The following SLC39A11 variants were observed in gnomAD, a reference collection of about 807,000 sequenced individuals.
The protein encoded by SLC39A11 is zinc transporter ZIP11.
In SLC39A11, 33 loss-of-function variants were observed where a neutral mutation model predicts 36.1. That is an observed-to-expected ratio of 0.91 (90% CI 0.69 to 1.22). The LOEUF (loss-of-function observed/expected upper bound fraction) is 1.22. Among genes scored for constraint, SLC39A11 ranks in the 50% most tolerant of loss-of-function variants. SLC39A11 has a pLI of 0.00. For synonymous variants in SLC39A11, 166 were observed against 170.3 expected (o/e 0.97, Z 0.20); for missense variants, 432 against 430.3 (o/e 1.00, Z -0.03).
At chr17:73,075,260 CA>C (rs2060282230) in intron 3 of SLC39A11, among the ~76,000 whole-genome samples, 1 of 152,162 alleles carries the variant, frequency 6.6e-6, no homozygotes, top group Admixed American at 6.5e-5. Flanking sequence ...CATGCAGAAA[CA>C]AGAAGCTCTT....
intron 4 of SLC39A11, among the ~76,000 whole-genome samples, chr17:72,961,876 T>C (rs2086636561): frequency 6.6e-6 from 1 of 152,142 alleles, no homozygotes; most frequent in African/African-American, 2.4e-5. Flanking sequence ...ACCCTAGAAC[T>C]TAAAGTATAA....
intron 7 of SLC39A11, among the ~76,000 whole-genome samples, chr17:72,714,278 C>A (rs2073243748): frequency 1.3e-5 from 2 of 152,054 alleles, no homozygotes. Flanking sequence ...ATCGCTTGAA[C>A]CTGGGAGGCG....
At chr17:72,952,600 C>T (rs566614760) in intron 4 of SLC39A11, among the ~76,000 whole-genome samples, 3 of 152,198 alleles carry the variant, frequency 2.0e-5, no homozygotes, top group Non-Finnish European at 2.9e-5. Flanking sequence ...GGAACCAAGG[C>T]CCTCAGGGAG....
chr17:73,047,027 A>AT (rs367548823), intron 3 of SLC39A11, among the ~76,000 whole-genome samples: 62,658 of 137,664 alleles, frequency 0.46, 14,858 homozygotes, highest in Non-Finnish European at 0.49. Flanking sequence ...TATTTTATTT[A>AT]TTTTTTTTTT....
At chr17:72,858,721 T>C (rs1483065483) in intron 5 of SLC39A11, among the ~76,000 whole-genome samples, 1 of 152,218 alleles carries the variant, frequency 6.6e-6, no homozygotes, top group Non-Finnish European at 1.5e-5. Context: ...TTCCTAGGTA[T>C]TGTATTCTTC....
intron 3 of SLC39A11, among the ~76,000 whole-genome samples, chr17:73,051,108 C>T (rs895218614): frequency 6.6e-6 from 1 of 152,134 alleles, no homozygotes; most frequent in Non-Finnish European, 1.5e-5. Context: ...AGCTGGGCCA[C>T]GCTCCCTCTA....
chr17:72,895,585 A>G (rs1248388000), intron 5 of SLC39A11, among the ~76,000 whole-genome samples: 4 of 152,042 alleles, frequency 2.6e-5, no homozygotes, highest in Non-Finnish European at 4.4e-5. Flanking sequence ...TGTCTCAAAA[A>G]AAAAAAAAAA....
chr17:72,916,276 G>C (rs1346387331), intron 5 of SLC39A11, among the ~76,000 whole-genome samples: 1 of 151,948 alleles, frequency 6.6e-6, no homozygotes, highest in Non-Finnish European at 1.5e-5. Flanking sequence ...CTGTCAAGAG[G>C]GAAAAAAGAG....
intron 3 of SLC39A11, among the ~76,000 whole-genome samples, chr17:73,069,264 G>C (rs554074416): frequency 1.3e-5 from 2 of 152,110 alleles, no homozygotes; most frequent in Non-Finnish European, 2.9e-5. Flanking sequence ...TGTTCATTAC[G>C]TTCTTAACAA....
intron 6 of SLC39A11, among the ~76,000 whole-genome samples, chr17:72,777,210 A>C (rs1200606324): frequency 6.6e-6 from 1 of 152,164 alleles, no homozygotes; most frequent in Admixed American, 6.5e-5. Flanking sequence ...CTAAACCAAA[A>C]AAAGGGCATT....
intron 5 of SLC39A11, among the ~76,000 whole-genome samples, chr17:72,879,422 T>C (rs924850206): frequency 6.6e-6 from 1 of 152,244 alleles, no homozygotes; most frequent in African/African-American, 2.4e-5. Context: ...CCATGGGTTT[T>C]AGGAACTGTA....
chr17:73,046,454 A>G (rs2059294778), intron 3 of SLC39A11, among the ~76,000 whole-genome samples: 1 of 152,140 alleles, frequency 6.6e-6, no homozygotes, highest in Non-Finnish European at 1.5e-5. Context: ...GTCCTACGAA[A>G]AAGCCCCCTC....
At chr17:72,729,958 T>C (rs1469952452) in intron 7 of SLC39A11, among the ~76,000 whole-genome samples, 1 of 152,120 alleles carries the variant, frequency 6.6e-6, no homozygotes. Flanking sequence ...CTTTCAACTA[T>C]ATCACATCGA....
At chr17:72,734,904 C>A (rs1288047680) in intron 7 of SLC39A11, among the ~76,000 whole-genome samples, 1 of 152,102 alleles carries the variant, frequency 6.6e-6, no homozygotes, top group Non-Finnish European at 1.5e-5. Context: ...ACTCTGAAGT[C>A]TCTTGTGGTC....
intron 3 of SLC39A11, among the ~76,000 whole-genome samples, chr17:73,075,088 C>T (rs781630613): frequency 3.3e-5 from 5 of 152,192 alleles, no homozygotes; most frequent in Admixed American, 2.0e-4. Context: ...TCTTTTGGGA[C>T]AATGACTGCC....
At chr17:73,082,145 G>GAAAAAAAAAAAAAAAAA (rs2060563733) in intron 3 of SLC39A11, among the ~76,000 whole-genome samples, 1 of 140,274 alleles carries the variant, frequency 7.1e-6, no homozygotes, top group Non-Finnish European at 1.5e-5. Context: ...AAAAAAAAGG[G>GAAAAAAAAAAAAAAAAA]CAAAAATAAA....
rs567572306 is a variant in SLC39A11 at position 72,651,047 on chromosome 17, G to A, written c.672-1779C>T. ...TCCTGCACATGTTTCATTGAGGTTC[G>A]TAGTTCCAGATACCTCAGGAAGAAG... On this transcript the variant is annotated intron_variant, in intron 7 of 9. Coordinates refer to ENST00000255559, the MANE Select transcript of SLC39A11 (RefSeq NM_139177.4). 3.9e-5 allele frequency among the ~76,000 whole-genome samples: 6 copies of A among 152,140 alleles called. No individual in the cohort carries two copies. In the South Asian group the frequency reaches 6.2e-4, roughly 16 times the overall value.
chr17:73,067,532 T>C (rs575422875), intron 3 of SLC39A11, among the ~76,000 whole-genome samples: 1 of 152,314 alleles, frequency 6.6e-6, no homozygotes, highest in Non-Finnish European at 1.5e-5. Context: ...TCTTGTTTTT[T>C]GTTTTTTCTT....
intron 6 of SLC39A11, among the ~76,000 whole-genome samples, chr17:72,816,094 G>GT (rs1167620416): frequency 1.3e-5 from 2 of 152,194 alleles, no homozygotes; most frequent in Non-Finnish European, 2.9e-5. Flanking sequence ...GTTGAACTTG[G>GT]TTTTCAAAGT....
Sources: allele counts gnomAD v4.1 joint callset (sites outside exome capture counted in the v4.1 genomes callset), GRCh38; gene constraint gnomAD v4.1.1; transcripts MANE v1.5; gene names NCBI Gene and HGNC (gene_info 2026-07-23, HGNC 2026-07-21).